The following CD46 variants were observed in gnomAD, a reference collection of about 807,000 sequenced individuals.
CD46 encodes membrane cofactor protein.
A neutral mutation model predicts 53.3 loss-of-function variants in CD46; 30 were observed. The ratio of observed to expected loss-of-function variants is 0.56; its 90% CI spans 0.42 to 0.76. The LOEUF (loss-of-function observed/expected upper bound fraction) is 0.76, where lower values mean the gene tolerates loss of function less well. Among genes scored for constraint, CD46 ranks in the 30% least tolerant of loss-of-function variants. The pLI is 0.00. For synonymous variants in CD46, 142 were observed against 152.0 expected (o/e 0.93, Z 0.48); for missense variants, 409 against 463.0 (o/e 0.88, Z 1.07).
intron 6 of CD46, 58 bp downstream of exon 6, chr1:207,767,253 G>GA: frequency 7.0e-7 from 1 of 1,437,324 alleles, no homozygotes; most frequent in Non-Finnish European, 9.8e-7. Context: ...GTTCATTTTA[G>GA]ACTTTATTTC....
intron 8 of CD46, among the ~76,000 whole-genome samples, chr1:207,779,318 AC>A (rs1180773506): frequency 2.6e-5 from 4 of 151,924 alleles, no homozygotes; most frequent in African/African-American, 9.7e-5. Context: ...CCATCAACAT[AC>A]TTTTATGTGT....
chr1:207,780,738 T>G (rs1258159911), intron 8 of CD46, among the ~76,000 whole-genome samples: 1 of 152,156 alleles, frequency 6.6e-6, no homozygotes, highest in Admixed American at 6.5e-5. Flanking sequence ...AATTGTTTTT[T>G]TAGTAATAGC....
chr1:207,769,415 C>G (rs761191953), intron 7 of CD46: 1 of 152,170 alleles, frequency 6.6e-6, no homozygotes, highest in African/African-American at 2.4e-5. Flanking sequence ...CTCAGTGAGG[C>G]ATCCGGGCTT....
intron 11 of CD46, among the ~76,000 whole-genome samples, chr1:207,786,562 A>AT (rs949773696): frequency 6.6e-6 from 1 of 152,194 alleles, no homozygotes; most frequent in African/African-American, 2.4e-5. Flanking sequence ...ATTTTTACTG[A>AT]TTTTTAAAAA....
chr1:207,784,175 G>A (rs1659055798), intron 9 of CD46, among the ~76,000 whole-genome samples: 1 of 152,172 alleles, frequency 6.6e-6, no homozygotes, highest in Non-Finnish European at 1.5e-5. Flanking sequence ...TATGGAAGTA[G>A]AGAGGATGGG....
rs577998227 is a variant in CD46 at position 207,763,966 on chromosome 1, T to C, written c.673+2520T>C. Among the ~76,000 whole-genome samples the C allele has an allele frequency of 4.6e-5, 7 of 152,150 alleles. No homozygotes were observed. The South Asian group carries it at 1.5e-3, about 32-fold the overall frequency. The stretch of plus-strand genomic sequence containing the variant: ...ACACAGCTGCTACACTTTTTTTTTT[T>C]TTTTTTGTCATTGGAACATTTGTGC... On this transcript the variant is annotated intron_variant, in intron 5 of 12. Coordinates refer to ENST00000367042, the MANE Select transcript of CD46 (RefSeq NM_172351.3).
rs121909589 is a variant in CD46, at chr1:207,767,057, T to C, written c.718T>C (p.Ser240Pro). 4.3e-6 allele frequency: 7 copies of C among 1,613,692 alleles called. No individual in the cohort carries two copies. The highest frequency in any genetic ancestry group is 1.1e-5 in the South Asian group (1 of 91,082). The change falls in exon 6 of 13, where the codon TCA becomes CCA. Residue 240 changes from serine (S) to proline (P), a missense_variant. Physicochemically the swap from Ser to Pro is moderately conservative, Grantham distance 74 (BLOSUM62 -1). Coordinates refer to ENST00000367042, the MANE Select transcript of CD46 (RefSeq NM_172351.3). ...FPVVENGKQI[S>P]GFGKKFYYKA... ...AGTAGTCGAAAATGGAAAACAGATA[T>C]CAGGATTTGGAAAAAAATTTTACTA... is the stretch of plus-strand genomic sequence containing the variant.
chr1:207,757,274 A>G, intron 2 of CD46, 72 bp downstream of exon 2: 2 of 1,278,880 alleles, frequency 1.6e-6, no homozygotes, highest in Non-Finnish European at 2.3e-6. Context: ...TACATATTCC[A>G]CTACGGTGAT....
At chr1:207,788,358 TA>T (rs1178285433) in intron 11 of CD46, among the ~76,000 whole-genome samples, 4 of 52,244 alleles carry the variant, frequency 7.7e-5, no homozygotes, top group Admixed American at 7.6e-4. Flanking sequence ...CTACTAAAAA[TA>T]CAAAAAAAAA....
chr1:207,788,151 T>C (rs1005812534), intron 11 of CD46, among the ~76,000 whole-genome samples: 3 of 152,124 alleles, frequency 2.0e-5, no homozygotes, highest in African/African-American at 7.2e-5. Flanking sequence ...CTCATCCATG[T>C]GTATCCTTAA....
At chr1:207,771,322 A>C (rs1639387583) in intron 8 of CD46, among the ~76,000 whole-genome samples, 1 of 152,274 alleles carries the variant, frequency 6.6e-6, no homozygotes, top group East Asian at 1.9e-4. Flanking sequence ...GCAGATTGCA[A>C]AGATTTTCTC....
chr1:207,787,232 G>A (rs897768965), intron 11 of CD46, among the ~76,000 whole-genome samples: 6 of 151,978 alleles, frequency 3.9e-5, no homozygotes, highest in Admixed American at 1.3e-4. Flanking sequence ...CACCACCACC[G>A]GCTAATTTGT....
At chr1:207,776,922 C>G (rs1254535186) in intron 8 of CD46, among the ~76,000 whole-genome samples, 1 of 152,260 alleles carries the variant, frequency 6.6e-6, no homozygotes, top group Admixed American at 6.5e-5. Flanking sequence ...AGGTGTGACC[C>G]ACCATGCCCG....
At chr1:207,770,912 A>G (rs74428617) in intron 8 of CD46, among the ~76,000 whole-genome samples, 2,934 of 152,336 alleles carry the variant, frequency 0.019, 102 homozygotes, top group African/African-American at 0.068. Context: ...CTTTGGGTAT[A>G]TACCCAGTAA....
Position 207,770,363 on chromosome 1 carries a change from G to C in CD46, c.943+1G>C. 6.3e-7 allele frequency: 1 copy of C among 1,590,666 alleles called. No individual in the cohort carries two copies. The highest frequency in any genetic ancestry group is 2.2e-5 in the East Asian group (1 of 44,708). On this transcript the variant is annotated splice_donor_variant, in intron 8 of 12. Coordinates refer to ENST00000367042, the MANE Select transcript of CD46 (RefSeq NM_172351.3). LOFTEE classifies it high-confidence loss of function. ...AAGCCTCCAGTCTCAAATTATCCAG[G>C]TTGGTTAACTCTTTATCCTACTGAT...
intron 8 of CD46, among the ~76,000 whole-genome samples, chr1:207,777,788 C>T (rs1658277140): frequency 6.6e-6 from 1 of 152,136 alleles, no homozygotes; most frequent in African/African-American, 2.4e-5. Context: ...ATTTATATTT[C>T]TCTGGGTATA....
intron 5 of CD46, among the ~76,000 whole-genome samples, chr1:207,764,867 T>C (rs1029279808): frequency 6.6e-6 from 1 of 152,184 alleles, no homozygotes; most frequent in African/African-American, 2.4e-5. Context: ...CTACCAACCA[T>C]CTAAGGAATA....
At chr1:207,762,094 A>G (rs1218418994) in intron 5 of CD46, among the ~76,000 whole-genome samples, 3 of 152,238 alleles carry the variant, frequency 2.0e-5, no homozygotes, top group Admixed American at 6.5e-5. Flanking sequence ...TCACAATAGA[A>G]TGAAAGCAGA....
intron 1 of CD46, among the ~76,000 whole-genome samples, chr1:207,754,953 T>TAA (rs5780402): frequency 0.021 from 2,800 of 133,062 alleles, 91 homozygotes; most frequent in African/African-American, 0.07. Flanking sequence ...ACAAAACATG[T>TAA]AAAAAAAAAA....
Sources: gnomAD v4.1 joint callset for allele counts (sites outside exome capture counted in the v4.1 genomes callset) on GRCh38, gnomAD v4.1.1 for gene constraint, MANE v1.5 for transcripts, NCBI Gene and HGNC (gene_info 2026-07-23, HGNC 2026-07-21) for gene names.